TERT: variants seen among roughly 807,000 people sequenced by gnomAD.
The protein encoded by TERT is telomerase catalytic subunit.
A neutral mutation model predicts 104.0 loss-of-function variants in TERT; 42 were observed. The observed-to-expected ratio is 0.40, with a 90% confidence interval of 0.32 to 0.52. The LOEUF (loss-of-function observed/expected upper bound fraction) is 0.52. TERT is among the 20% of genes least tolerant of loss of function. The probability of loss-of-function intolerance (pLI) is 0.43; values close to 1 mark genes in which losing one functional copy is unlikely to be tolerated. For synonymous variants in TERT, 781 were observed against 725.6 expected (o/e 1.08, Z -1.23); for missense variants, 1,101 against 1,610.3 (o/e 0.68, Z 5.41).
intron 11 of TERT, 35 bp from the exon 12 acceptor site, chr5:1,260,635 C>G (rs1221943542): frequency 6.2e-7 from 1 of 1,612,136 alleles, no homozygotes. Flanking sequence ...ACACAGGTGC[C>G]TGCCCCACAC....
Position 1,280,158 on chromosome 5 carries a change from C to A in TERT, c.1950G>T (p.Arg650Ser). The A allele has an allele frequency of 6.2e-7, 1 of 1,614,104 alleles. No individual in the cohort carries two copies. Among genetic ancestry groups the A allele is most frequent in the Non-Finnish European group, 8.5e-7 (1 of 1,180,034 alleles). ...VGARTFRREKRAERLTSRVKA... is the reference protein window; with the variant it reads ...VGARTFRREKSAERLTSRVKA... ...GGAAGTTAAACCAAAGCACAGCCAC[C>A]CTCTTTTCTCTGCGGAACGTTCTGG... The change falls in exon 4 of 16, where the codon AGG becomes AGT. Residue 650 changes from arginine to serine, a missense_variant and splice_region_variant. Around this residue, in one of 5 missense-constraint regions of TERT, gnomAD observed 463 missense variants for 797.5 expected, o/e 0.58. Coordinates refer to ENST00000310581, the MANE Select transcript of TERT (RefSeq NM_198253.3).
At position 1,278,700 on chromosome 5, in the gene TERT, G is replaced by A. The variant is rs1388515349; in HGVS notation, c.2227C>T (p.Arg743Trp). The A allele has an allele frequency of 1.9e-6, 3 of 1,614,178 alleles. No homozygotes were observed. The highest frequency in any genetic ancestry group is 3.3e-5 in the Admixed American group (2 of 60,036). ...IKPQNTYCVRRYAVVQKAAHG... is the reference protein window; with the variant it reads ...IKPQNTYCVRWYAVVQKAAHG... ...GCGGCCTTCTGGACCACGGCATACCGACGCACGCAGTACGTGTTCTGGGGT... is the reference window on the plus strand; with the variant it reads ...GCGGCCTTCTGGACCACGGCATACCAACGCACGCAGTACGTGTTCTGGGGT... The change falls in exon 6 of 16, where the codon CGG becomes TGG. Residue 743 changes from arginine (R) to tryptophan (W), a missense_variant. Coordinates refer to ENST00000310581, the MANE Select transcript of TERT (RefSeq NM_198253.3).
intron 4 of TERT, 93 bp downstream of exon 4, chr5:1,280,065 C>A: frequency 6.6e-7 from 1 of 1,517,786 alleles, no homozygotes; most frequent in Non-Finnish European, 9.1e-7. Flanking sequence ...TGTCCCGTGG[C>A]CCCTCCTCCG....
At chr5:1,283,024 C>T (rs1579580938) in intron 2 of TERT, 4 of 346,378 alleles carry the variant, frequency 1.2e-5, no homozygotes, top group African/African-American at 4.5e-5. Flanking sequence ...GCACATCCAG[C>T]TCACCGCAGG....
intron 10 of TERT, 44 bp from the exon 11 acceptor site, chr5:1,264,636 A>T: frequency 6.2e-7 from 1 of 1,607,536 alleles, no homozygotes; most frequent in Non-Finnish European, 8.5e-7. Flanking sequence ...CGGGGCCGTC[A>T]CCCAGGAGGT....
Position 1,265,597 on chromosome 5 carries a change from C to T in TERT, c.2654+867G>A, listed in dbSNP as rs953883072. On this transcript the variant is annotated intron_variant, in intron 10 of 15. Coordinates refer to ENST00000310581, the MANE Select transcript of TERT (RefSeq NM_198253.3). The surrounding 1 kb of genome is among the most constrained non-coding windows in gnomAD (Gnocchi z 6.9). ...TAAATGTGCACAGCCTGCTGTGCTC[C>T]GGGCTGCGGCACAAGGAACGCCAGG... 3.3e-5 allele frequency among the ~76,000 whole-genome samples: 5 copies of T among 152,002 alleles called. No homozygotes were observed. The highest frequency in any genetic ancestry group is 4.8e-5 in the African/African-American group (2 of 41,384).
At position 1,254,311 on chromosome 5, in the gene TERT, C is replaced by T. The variant is rs193203519; in HGVS notation, c.3295+57G>A. On this transcript the variant is annotated intron_variant, in intron 15 of 15. Coordinates refer to ENST00000310581, the MANE Select transcript of TERT (RefSeq NM_198253.3). ...CTGAGGCTGCTCGCCCCACACAGGG[C>T]GTTCAAGGATGACCCCTGGGCAGGT... 172 of 1,610,892 alleles carry T rather than the reference C, an allele frequency of 1.1e-4. No homozygotes were observed. The African/African-American group carries it at 1.9e-3, about 18-fold the overall frequency.
chr5:1,272,551 CCA>C (rs1227165352), intron 6 of TERT, among the ~76,000 whole-genome samples: 4 of 127,588 alleles, frequency 3.1e-5, no homozygotes, highest in Non-Finnish European at 5.0e-5. Flanking sequence ...ACATCAGACC[CCA>C]CGACCGCCAT....
Position 1,274,748 on chromosome 5 carries a change from C to A in TERT, c.2287-2468G>T, listed in dbSNP as rs542468504. Among the ~76,000 whole-genome samples the A allele has an allele frequency of 6.6e-6, 1 of 152,360 alleles. No homozygotes were observed. Among genetic ancestry groups the A allele is most frequent in the South Asian group, 2.1e-4 (1 of 4,826 alleles). On this transcript the variant is annotated intron_variant, in intron 6 of 15. Coordinates refer to ENST00000310581, the MANE Select transcript of TERT (RefSeq NM_198253.3). This position sits in a 1 kb window ranked among gnomAD's most constrained non-coding sequence, Gnocchi z 5.3. ...GCCCCAGACCGGTGCCACTCCACAGCCAGGGGCCTCGGGATCCCTGCTTTA... is the reference window on the plus strand; with the variant it reads ...GCCCCAGACCGGTGCCACTCCACAGACAGGGGCCTCGGGATCCCTGCTTTA...
chr5:1,292,932 C>T lies in TERT; in HGVS notation c.1573+381G>A, dbSNP rs192750295. 6.6e-6 allele frequency among the ~76,000 whole-genome samples: 1 copy of T among 152,350 alleles called. No homozygotes were observed. Among genetic ancestry groups the T allele is most frequent in the African/African-American group, 2.4e-5 (1 of 41,586 alleles). On this transcript the variant is annotated intron_variant, in intron 2 of 15. Coordinates refer to ENST00000310581, the MANE Select transcript of TERT (RefSeq NM_198253.3). This position sits in a 1 kb window ranked among gnomAD's most constrained non-coding sequence, Gnocchi z 5.5. The stretch of plus-strand genomic sequence containing the variant: ...TTCTCGTCCCCACCTCTCATTCCCA[C>T]CCTTGAAATTGCGAAGAGGATTATA...
chr5:1,292,396 G>A lies in TERT; in HGVS notation c.1573+917C>T, dbSNP rs892006697. On this transcript the variant is annotated intron_variant, in intron 2 of 15. Coordinates refer to ENST00000310581, the MANE Select transcript of TERT (RefSeq NM_198253.3). The surrounding 1 kb of genome is among the most constrained non-coding windows in gnomAD (Gnocchi z 5.5). ...CACTGTCCCTTCCTCAGCAGGTGGA[G>A]CCATCTGCTGTCCTCTGCTCCCATG... Among the ~76,000 whole-genome samples, 1 of 152,172 alleles carries A rather than the reference G, an allele frequency of 6.6e-6. No homozygotes were observed. Among genetic ancestry groups the A allele is most frequent in the Non-Finnish European group, 1.5e-5 (1 of 68,042 alleles).
At position 1,265,165 on chromosome 5, in the gene TERT, G is replaced by A. The variant is rs1748501695; in HGVS notation, c.2655-573C>T. 6.6e-6 allele frequency among the ~76,000 whole-genome samples: 1 copy of A among 152,192 alleles called. No homozygotes were observed. The highest frequency in any genetic ancestry group is 2.1e-4 in the South Asian group (1 of 4,832). On this transcript the variant is annotated intron_variant, in intron 10 of 15. Transcript: ENST00000310581. This position sits in a 1 kb window ranked among gnomAD's most constrained non-coding sequence, Gnocchi z 6.9. ...CAAGGAGGTTCCCTCGCCGAGTCAT[G>A]AGCCTCGCTCACCCAGCTCAGGGAG...
chr5:1,282,944 C>A lies in TERT; in HGVS notation c.1574-320G>T, dbSNP rs1050427295. On this transcript the variant is annotated intron_variant, in intron 2 of 15. Transcript: ENST00000310581. ...CGAACTCACCCCGGACCTGCACCATCCAGACAACACACATACAGCCCACCG... is the reference window on the plus strand; with the variant it reads ...CGAACTCACCCCGGACCTGCACCATACAGACAACACACATACAGCCCACCG... The A allele has an allele frequency of 9.2e-6, 4 of 435,398 alleles. No individual in the cohort carries two copies. In the Admixed American group the frequency reaches 1.0e-4, roughly 11 times the overall value. 27.0% of individuals were successfully genotyped at this position (435,398 alleles called of 1,614,324 possible). A position where few individuals can be genotyped will look rare whatever the true frequency, so the allele number is the denominator to read the frequency against.
chr5:1,283,308 T>A (rs1469508758), intron 2 of TERT, among the ~76,000 whole-genome samples: 1 of 121,820 alleles, frequency 8.2e-6, no homozygotes. Flanking sequence ...ACCTGCACCA[T>A]CCGGATACAG....
rs1366919937 is a variant in TERT, at chr5:1,288,867, C to T, written c.1573+4446G>A. 1.3e-5 allele frequency among the ~76,000 whole-genome samples: 2 copies of T among 152,166 alleles called. No homozygotes were observed. Among genetic ancestry groups the T allele is most frequent in the African/African-American group, 2.4e-5 (1 of 41,446 alleles). On this transcript the variant is annotated intron_variant, in intron 2 of 15. Coordinates refer to ENST00000310581, the MANE Select transcript of TERT (RefSeq NM_198253.3). The surrounding 1 kb of genome is among the most constrained non-coding windows in gnomAD (Gnocchi z 5.3). ...GAAGCTGTGGCTGCAGTGCCTGGCA[C>T]GCGGGAGGCGAGAGCCTGCAGTCCC...
rs776045913 is a variant in TERT at position 1,294,900 on chromosome 5, G to C, written c.90C>G (p.Arg30=). 12 of 1,434,980 alleles carry C rather than the reference G, an allele frequency of 8.4e-6. No homozygotes were observed. The South Asian group carries it at 1.6e-4, about 19-fold the overall frequency. 88.9% of individuals were successfully genotyped at this position (1,434,980 alleles called of 1,614,324 possible). A position where few individuals can be genotyped will look rare whatever the true frequency, so the allele number is the denominator to read the frequency against. The change falls in exon 1 of 16, where the codon CGC becomes CGG. Residue 30 remains arginine (R), a synonymous_variant. Transcript: ENST00000310581. ...EVLPLATFVR[R]LGPQGWRLVQ... The stretch of plus-strand genomic sequence containing the variant: ...CCAGCCGCCAGCCCTGGGGCCCCAG[G>C]CGCCGCACGAACGTGGCCAGCGGCA...
rs33951612 is a variant in TERT at position 1,292,528 on chromosome 5, T to TA, written c.1573+784dup. ...ACAATCAACGAACACTTTTTTTTTTTAAAGACAGAGTTTCACTCTTGTCGC... is the reference window on the plus strand; with the variant it reads ...ACAATCAACGAACACTTTTTTTTTTTAAAAGACAGAGTTTCACTCTTGTCGC... On this transcript the variant is annotated intron_variant, in intron 2 of 15. Transcript: ENST00000310581. This position sits in a 1 kb window ranked among gnomAD's most constrained non-coding sequence, Gnocchi z 5.5. Among the ~76,000 whole-genome samples the TA allele has an allele frequency of 0.46, 70,057 of 150,824 alleles. 16,517 individuals carry two copies. The highest frequency in any genetic ancestry group is 0.57 in the Admixed American group (8,664 of 15,216).
In TERT at chr5:1,271,267, C is replaced by T. The variant is rs893382377; in HGVS notation, c.2383-63G>A. ...GTGGGTGCTGAGACAGGCAGGACCA[C>T]GTGGCCAAGACCCTCCGTCCCTTTT... On this transcript the variant is annotated intron_variant, in intron 7 of 15. Transcript: ENST00000310581. 4.5e-5 allele frequency: 55 copies of T among 1,220,524 alleles called. 2 individuals carry two copies. The highest frequency in any genetic ancestry group is 3.8e-4 in the Middle Eastern group (2 of 5,326). 75.6% of individuals were successfully genotyped at this position (1,220,524 alleles called of 1,614,324 possible).
rs1748870722 is a variant in TERT at position 1,269,524 on chromosome 5, AT to A, written c.2469-892del. 6.6e-6 allele frequency among the ~76,000 whole-genome samples: 1 copy of A among 151,818 alleles called. No homozygotes were observed. The highest frequency in any genetic ancestry group is 6.6e-5 in the Admixed American group (1 of 15,228). On this transcript the variant is annotated intron_variant, in intron 8 of 15. Transcript: ENST00000310581. This position sits in a 1 kb window ranked among gnomAD's most constrained non-coding sequence, Gnocchi z 9.0. Reference sequence around the variant, plus strand: ...TGCTCGGGAGGCTGAGGCAGGAGAAATGCTGGAACCCGGGAGGCGGAGGTTG... The same window carrying A: ...TGCTCGGGAGGCTGAGGCAGGAGAAAGCTGGAACCCGGGAGGCGGAGGTTG...
Sources: allele counts gnomAD v4.1 joint callset (sites outside exome capture counted in the v4.1 genomes callset), GRCh38; gene constraint gnomAD v4.1.1; regional missense constraint gnomAD v4.1.1; non-coding constraint Gnocchi (gnomAD v3.1); transcripts MANE v1.5; gene names NCBI Gene and HGNC (gene_info 2026-07-23, HGNC 2026-07-21).